The following U2SURP variants were observed in gnomAD, a reference collection of about 807,000 sequenced individuals.
U2SURP encodes U2 snRNP-associated SURP motif-containing protein.
In U2SURP, 9 loss-of-function variants were observed where a neutral mutation model predicts 144.9. The observed-to-expected ratio is 0.06, with a 90% CI of 0.04 to 0.11. The LOEUF (loss-of-function observed/expected upper bound fraction) is 0.11. Ranked by LOEUF, U2SURP falls within the 10% of genes least tolerant of loss-of-function variation. The pLI is 1.00. For synonymous variants in U2SURP, 408 were observed against 396.8 expected, an observed-to-expected ratio of 1.03 and a Z score of -0.33; for missense variants, 724 against 1,226.7, an observed-to-expected ratio of 0.59 and a Z score of 6.12.
chr3:143,053,610 C>T (rs2108320420), intron 25 of U2SURP, 66 bp from the exon 26 acceptor site: 1 of 983,858 alleles, frequency 1.0e-6, no homozygotes, highest in Non-Finnish European at 1.5e-6. Context: ...AGATATTGTT[C>T]TATAAATGAG....
At position 143,056,442 on chromosome 3, in the gene U2SURP, A is replaced by G; in HGVS notation, c.3082A>G (p.Lys1028Glu). The change falls in exon 28 of 28, where the codon AAA becomes GAA. Residue 1028 changes from lysine to glutamate, a missense_variant. Physicochemically the swap from Lys to Glu is moderately conservative, Grantham distance 56 (BLOSUM62 1). Transcript: ENST00000473835. ...GTCTCATAAAAAGTCAAAGAAAAAC[A>G]AACACTGACGTAAATTTTTAAGATG... ...HRSHKKSKKNKH is the reference protein window; with the variant it reads ...HRSHKKSKKNEH 6.2e-7 allele frequency: 1 copy of G among 1,612,296 alleles called. No individual in the cohort carries two copies. The highest frequency in any genetic ancestry group is 8.5e-7 in the Non-Finnish European group (1 of 1,179,080).
At chr3:143,015,594 A>C (rs1002744343) in intron 4 of U2SURP, among the ~76,000 whole-genome samples, 1 of 152,082 alleles carries the variant, frequency 6.6e-6, no homozygotes, top group Non-Finnish European at 1.5e-5. Context: ...ATAATTATTC[A>C]GTTATCCTAG....
chr3:143,015,947 G>A (rs895272334), intron 4 of U2SURP, among the ~76,000 whole-genome samples: 2 of 152,040 alleles, frequency 1.3e-5, no homozygotes, highest in African/African-American at 4.8e-5. Flanking sequence ...AACATTACTA[G>A]CAAAATATGT....
At position 143,012,187 on chromosome 3, in the gene U2SURP, G is replaced by A. The variant is rs777557560; in HGVS notation, c.91-35G>A. The A allele has an allele frequency of 1.7e-5, 28 of 1,600,744 alleles. No individual in the cohort carries two copies. The Admixed American group carries it at 4.7e-4, about 27-fold the overall frequency. On this transcript the variant is annotated intron_variant, in intron 2 of 27. Coordinates refer to ENST00000473835, the MANE Select transcript of U2SURP (RefSeq NM_001080415.2). ...AGTGCTATATATGTATATATGTGTG[G>A]TTTGTTTTTTTCTCTTGTTTTACTT... is the stretch of plus-strand genomic sequence containing the variant.
intron 23 of U2SURP, among the ~76,000 whole-genome samples, chr3:143,039,599 ATT>A (rs10706682): frequency 0.13 from 18,337 of 136,740 alleles, 1,619 homozygotes; most frequent in African/African-American, 0.27. Context: ...AGGGAGTTGA[ATT>A]TTTTTTTTTT....
intron 2 of U2SURP, chr3:143,011,959 A>T (rs1439892617): frequency 1.8e-6 from 1 of 565,820 alleles, no homozygotes; most frequent in Non-Finnish European, 3.3e-6. Context: ...CATTTTCTTG[A>T]AAATGAAGGT....
In U2SURP at chr3:143,045,301, G is replaced by A. The variant is rs558222430; in HGVS notation, c.2544+2025G>A. On this transcript the variant is annotated intron_variant, in intron 24 of 27. Transcript: ENST00000473835. ...GGAGAATGGTGTGGACCCAGGAGGCGGAGCTTGCAGTGAGCCAAGATCATG... is the reference window on the plus strand; with the variant it reads ...GGAGAATGGTGTGGACCCAGGAGGCAGAGCTTGCAGTGAGCCAAGATCATG... 4.9e-4 allele frequency among the ~76,000 whole-genome samples: 74 copies of A among 151,174 alleles called. No homozygotes were observed. In the South Asian group the frequency reaches 0.012, roughly 24 times the overall value.
At position 143,043,137 on chromosome 3, in the gene U2SURP, A is replaced by G. The variant is rs750059999; in HGVS notation, c.2405A>G (p.Asp802Gly). Residue 802 changes from aspartate to glycine, a missense_variant, in exon 24 of 28, where the codon GAT becomes GGT. Physicochemically the swap from Asp to Gly is moderately conservative, Grantham distance 94. Around this residue, in one of 13 missense-constraint regions of U2SURP, gnomAD observed 50 missense variants for 48.0 expected, o/e 1.04. Transcript: ENST00000473835. ...ENQNQEEESEDEEDTQSSKSE... is the reference protein window; with the variant it reads ...ENQNQEEESEGEEDTQSSKSE... ...TAAAGTCAAGAAGAAGAAAGTGAAG[A>G]TGAAGAAGATACTCAAAGTTCCAAA... 6.2e-7 allele frequency: 1 copy of G among 1,604,176 alleles called. No individual in the cohort carries two copies.
intron 22 of U2SURP, among the ~76,000 whole-genome samples, chr3:143,038,675 G>A (rs1933937280): frequency 6.6e-6 from 1 of 151,872 alleles, no homozygotes; most frequent in African/African-American, 2.4e-5. Flanking sequence ...ACAGAAATAA[G>A]GATGACATTA....
chr3:143,014,929 G>GT (rs1207023569), intron 4 of U2SURP, among the ~76,000 whole-genome samples: 5 of 151,922 alleles, frequency 3.3e-5, no homozygotes, highest in Admixed American at 2.6e-4. Context: ...CATATGTTTG[G>GT]TTTTTTTGCT....
At chr3:143,006,923 T>G (rs1013661645) in intron 1 of U2SURP, among the ~76,000 whole-genome samples, 3 of 152,154 alleles carry the variant, frequency 2.0e-5, no homozygotes, top group African/African-American at 4.8e-5. Context: ...GATACACGAA[T>G]GGAGAGCTCA....
chr3:143,012,204 G>GT lies in U2SURP; in HGVS notation c.91-14dup, dbSNP rs750395741. 1 of 1,601,964 alleles carries GT rather than the reference G, an allele frequency of 6.2e-7. No homozygotes were observed. The highest frequency in any genetic ancestry group is 1.4e-5 in the African/African-American group (1 of 73,910). On this transcript the variant is annotated splice_polypyrimidine_tract_variant and intron_variant, in intron 2 of 27. Transcript: ENST00000473835. Reference sequence around the variant, plus strand: ...TATGTGTGGTTTGTTTTTTTCTCTTGTTTTACTTTTCCTGAAGATGGATGC... The same window carrying GT: ...TATGTGTGGTTTGTTTTTTTCTCTTGTTTTTACTTTTCCTGAAGATGGATGC...
At chr3:143,055,960 G>A (rs1578181162) in intron 27 of U2SURP, among the ~76,000 whole-genome samples, 1 of 152,090 alleles carries the variant, frequency 6.6e-6, no homozygotes, top group Admixed American at 6.6e-5. Context: ...ACTTTATCTT[G>A]TAGATTAAAG....
chr3:143,035,939 TA>T, intron 19 of U2SURP, 42 bp from the exon 20 acceptor site: 1 of 1,553,394 alleles, frequency 6.4e-7, no homozygotes, highest in Non-Finnish European at 8.7e-7. Flanking sequence ...TTGAGACATA[TA>T]GCCCAAAATA....
At chr3:143,003,884 G>A (rs1177660114) in intron 1 of U2SURP, among the ~76,000 whole-genome samples, 3 of 151,850 alleles carry the variant, frequency 2.0e-5, no homozygotes, top group Non-Finnish European at 2.9e-5. Context: ...TAGAGACGGG[G>A]TTTCACCATG....
intron 5 of U2SURP, 25 bp downstream of exon 5, chr3:143,016,396 A>G (rs1300591342): frequency 6.3e-7 from 1 of 1,587,196 alleles, no homozygotes; most frequent in Admixed American, 1.7e-5. Context: ...TATAACTGCT[A>G]ATAAAGCATA....
At chr3:143,040,125 T>A (rs973760918) in intron 23 of U2SURP, among the ~76,000 whole-genome samples, 1 of 151,924 alleles carries the variant, frequency 6.6e-6, no homozygotes, top group Admixed American at 6.5e-5. Context: ...ATAAAATAAT[T>A]ATTTAATTTA....
intron 25 of U2SURP, 27 bp from the exon 26 acceptor site, chr3:143,053,649 C>T (rs1445840340): frequency 1.7e-6 from 2 of 1,193,712 alleles, no homozygotes; most frequent in Non-Finnish European, 2.4e-6. Flanking sequence ...TTTTAAACAA[C>T]TTAATATTTT....
rs1935150270 is a variant in U2SURP, at chr3:143,056,303, T to C, written c.2952-9T>C. 1 of 1,592,776 alleles carries C rather than the reference T, an allele frequency of 6.3e-7. No individual in the cohort carries two copies. The highest frequency in any genetic ancestry group is 1.1e-5 in the South Asian group (1 of 88,178). On this transcript the variant is annotated splice_polypyrimidine_tract_variant and intron_variant, in intron 27 of 27. Coordinates refer to ENST00000473835, the MANE Select transcript of U2SURP (RefSeq NM_001080415.2). ...TTATCAATTGGGATTTTTTTGTTTG[T>C]TTCCTTAGATCACCATCTGGTTCAA...
Sources: gnomAD v4.1 joint callset for allele counts (sites outside exome capture counted in the v4.1 genomes callset) on GRCh38, gnomAD v4.1.1 for gene constraint, gnomAD v4.1.1 regional missense constraint, MANE v1.5 for transcripts, NCBI Gene and HGNC (gene_info 2026-07-23, HGNC 2026-07-21) for gene names.